The following SETBP1 variants were observed in gnomAD, a reference collection of about 807,000 sequenced individuals.
The protein encoded by SETBP1 is SET-binding protein.
In SETBP1, 9 loss-of-function variants were observed where a neutral mutation model predicts 101.0. The observed-to-expected ratio is 0.09, with a 90% CI of 0.05 to 0.16. The LOEUF is 0.16. Among genes scored for constraint, SETBP1 ranks in the 10% least tolerant of loss-of-function variants. The pLI is 1.00. For missense variants in SETBP1, 1,858 were observed against 2,033.8 expected (o/e 0.91, Z 1.66); for synonymous variants, 818 against 788.5 (o/e 1.04, Z -0.63).
chr18:44,885,204 T>A (rs1253610726), intron 3 of SETBP1, among the ~76,000 whole-genome samples: 1 of 152,180 alleles, frequency 6.6e-6, no homozygotes, highest in Non-Finnish European at 1.5e-5. Context: ...TCAGTTTTCT[T>A]ATCTGTGAAA....
intron 1 of SETBP1, among the ~76,000 whole-genome samples, chr18:44,691,995 G>A (rs2068942606): frequency 6.6e-6 from 1 of 152,202 alleles, no homozygotes; most frequent in Non-Finnish European, 1.5e-5. Flanking sequence ...TCCTCCATGA[G>A]ACAAACTGGA....
At chr18:44,837,970 G>A (rs1729394737) in intron 2 of SETBP1, among the ~76,000 whole-genome samples, 2 of 152,106 alleles carry the variant, frequency 1.3e-5, no homozygotes, top group Admixed American at 6.6e-5. Context: ...TGACTGGGTG[G>A]GCCATGTTTC....
chr18:44,777,040 G>A (rs190149394), intron 2 of SETBP1, among the ~76,000 whole-genome samples: 1 of 152,230 alleles, frequency 6.6e-6, no homozygotes, highest in South Asian at 2.1e-4. Flanking sequence ...GGTAGGCCAG[G>A]TGTGGTGGCT....
chr18:44,888,764 G>A (rs752316458), intron 3 of SETBP1, among the ~76,000 whole-genome samples: 1 of 152,028 alleles, frequency 6.6e-6, no homozygotes, highest in Non-Finnish European at 1.5e-5. Context: ...TAAATTGGAG[G>A]TGCAAGAAAA....
At chr18:44,993,259 C>T (rs1279908155) in intron 4 of SETBP1, among the ~76,000 whole-genome samples, 2 of 152,010 alleles carry the variant, frequency 1.3e-5, no homozygotes, top group African/African-American at 4.8e-5. Context: ...GGCAAAGAGG[C>T]CCAATGTTCT....
In SETBP1 at chr18:44,957,206, A is replaced by T. The variant is rs749468736; in HGVS notation, c.4000+3866A>T. On this transcript the variant is annotated intron_variant, in intron 4 of 5. Coordinates refer to ENST00000649279, the MANE Select transcript of SETBP1 (RefSeq NM_015559.3). Reference sequence around the variant, plus strand: ...ATGCATACTCCAGGGGTGACAATGCATAGTCAGAATGATGCCATGTGCCCT... The same window carrying T: ...ATGCATACTCCAGGGGTGACAATGCTTAGTCAGAATGATGCCATGTGCCCT... Among the ~76,000 whole-genome samples, 18 of 152,296 alleles carry T rather than the reference A, an allele frequency of 1.2e-4. 1 individual carries two copies. In the South Asian group the frequency reaches 1.2e-3, roughly 11 times the overall value.
chr18:44,744,263 C>T (rs745445188), intron 2 of SETBP1, among the ~76,000 whole-genome samples: 28 of 152,240 alleles, frequency 1.8e-4, no homozygotes, highest in Non-Finnish European at 2.8e-4. Context: ...AATCCAGGCT[C>T]ATCTGCTGGA....
intron 4 of SETBP1, among the ~76,000 whole-genome samples, chr18:44,996,067 C>A (rs2072491972): frequency 6.6e-6 from 1 of 152,116 alleles, no homozygotes; most frequent in South Asian, 2.1e-4. Flanking sequence ...TGAAGCTACC[C>A]CAAAAACCCA....
At chr18:44,709,898 T>A (rs534472295) in intron 2 of SETBP1, among the ~76,000 whole-genome samples, 5 of 151,248 alleles carry the variant, frequency 3.3e-5, no homozygotes, top group South Asian at 2.1e-4. Context: ...TTTATCTCTG[T>A]GGTCATTTAT....
chr18:44,747,365 C>T (rs1310989354), intron 2 of SETBP1, among the ~76,000 whole-genome samples: 1 of 152,174 alleles, frequency 6.6e-6, no homozygotes, highest in African/African-American at 2.4e-5. Flanking sequence ...AGTCATTCAG[C>T]ATCCCAGGAA....
At chr18:44,767,210 C>T (rs951227478) in intron 2 of SETBP1, among the ~76,000 whole-genome samples, 2 of 152,346 alleles carry the variant, frequency 1.3e-5, no homozygotes, top group African/African-American at 2.4e-5. Context: ...ACAGATGATG[C>T]GCTCATCTGC....
chr18:44,977,832 C>A (rs964750038), intron 4 of SETBP1, among the ~76,000 whole-genome samples: 4 of 152,136 alleles, frequency 2.6e-5, no homozygotes, highest in African/African-American at 9.7e-5. Flanking sequence ...CTTTTCATCT[C>A]CCCCTTATAT....
chr18:44,904,070 C>G (rs1383094590), intron 3 of SETBP1, among the ~76,000 whole-genome samples: 1 of 152,080 alleles, frequency 6.6e-6, no homozygotes, highest in Non-Finnish European at 1.5e-5. Context: ...CATATTTGCT[C>G]AATGAGTGGA....
At chr18:44,803,963 A>T (rs949839082) in intron 2 of SETBP1, among the ~76,000 whole-genome samples, 1 of 152,102 alleles carries the variant, frequency 6.6e-6, no homozygotes. Context: ...TATTATTGGA[A>T]CTATTTTTTT....
intron 4 of SETBP1, among the ~76,000 whole-genome samples, chr18:44,985,843 A>G (rs2072219297): frequency 2.0e-5 from 3 of 152,236 alleles, no homozygotes; most frequent in African/African-American, 7.2e-5. Flanking sequence ...GGGCACAGAG[A>G]TCCTGCAGGG....
chr18:44,844,818 G>A (rs1324841599), intron 2 of SETBP1, among the ~76,000 whole-genome samples: 1 of 152,122 alleles, frequency 6.6e-6, no homozygotes, highest in Non-Finnish European at 1.5e-5. Flanking sequence ...GTCCAGGGAG[G>A]CTTTTCAAGG....
chr18:44,756,122 A>AG (rs1472116018), intron 2 of SETBP1, among the ~76,000 whole-genome samples: 1 of 150,986 alleles, frequency 6.6e-6, no homozygotes, highest in Non-Finnish European at 1.5e-5. Flanking sequence ...GAGGGTGAGG[A>AG]GGGGGAATCA....
chr18:44,807,671 G>T (rs1437492516), intron 2 of SETBP1, among the ~76,000 whole-genome samples: 1 of 152,160 alleles, frequency 6.6e-6, no homozygotes, highest in Non-Finnish European at 1.5e-5. Flanking sequence ...AATTATTCCT[G>T]TTGTAAGGGA....
At chr18:44,798,855 A>G (rs1218657051) in intron 2 of SETBP1, among the ~76,000 whole-genome samples, 2 of 152,174 alleles carry the variant, frequency 1.3e-5, no homozygotes, top group Non-Finnish European at 2.9e-5. Context: ...GACCTGAACA[A>G]ACATTATGTA....
Sources: allele counts gnomAD v4.1 joint callset (sites outside exome capture counted in the v4.1 genomes callset), GRCh38; gene constraint gnomAD v4.1.1; transcripts MANE v1.5; gene names NCBI Gene and HGNC (gene_info 2026-07-23, HGNC 2026-07-21).